PRKCH: variants seen among roughly 807,000 people sequenced by gnomAD.
PRKCH encodes the protein protein kinase C eta.
PRKCH carries 28 observed loss-of-function variants against 82.5 expected under a neutral mutation model. The observed-to-expected ratio is 0.34, with a 90% CI of 0.25 to 0.47. The LOEUF is 0.47. Among genes scored for constraint, PRKCH ranks in the 20% least tolerant of loss-of-function variants. The pLI is 1.00. For synonymous variants in PRKCH, 322 were observed against 327.4 expected, an observed-to-expected ratio of 0.98 and a Z score of 0.18; for missense variants, 705 against 881.8, an observed-to-expected ratio of 0.80 and a Z score of 2.54.
At chr14:61,286,289 C>T (rs113200457) in intron 1 of PRKCH, among the ~76,000 whole-genome samples, 3 of 151,654 alleles carry the variant, frequency 2.0e-5, no homozygotes, top group African/African-American at 7.3e-5. Flanking sequence ...ATTCTTTGTG[C>T]CTGGACTTCA....
rs180909291 is a variant in PRKCH, at chr14:61,511,883, A to G, written c.1434-17192A>G. 4.1e-3 allele frequency among the ~76,000 whole-genome samples: 625 copies of G among 152,278 alleles called. 9 individuals are homozygous for G. The highest frequency in any genetic ancestry group is 0.012 in the African/African-American group (504 of 41,518). Reference sequence around the variant, plus strand: ...TCCCGACTCTGTGGGTGGATAGAACATTGTGTGGAAAGGCTGTAAAACTCA... The same window carrying G: ...TCCCGACTCTGTGGGTGGATAGAACGTTGTGTGGAAAGGCTGTAAAACTCA... On this transcript the variant is annotated intron_variant, in intron 10 of 13. Transcript: ENST00000332981.
intron 13 of PRKCH, 78 bp downstream of exon 13, chr14:61,547,964 G>A (rs2043280727): frequency 6.4e-7 from 1 of 1,553,932 alleles, no homozygotes; most frequent in Non-Finnish European, 8.7e-7. Context: ...TAGAAGAGCT[G>A]GATGGCCCCT....
intron 2 of PRKCH, among the ~76,000 whole-genome samples, chr14:61,435,106 T>A (rs1198034163): frequency 6.6e-6 from 1 of 151,916 alleles, no homozygotes; most frequent in Non-Finnish European, 1.5e-5. Context: ...CCGCTGAGGG[T>A]GTTCAACCAG....
intron 10 of PRKCH, among the ~76,000 whole-genome samples, chr14:61,527,497 T>G (rs1295422718): frequency 6.6e-6 from 1 of 152,154 alleles, no homozygotes. Context: ...CCTGACTAAC[T>G]CCTTATTTTC....
chr14:61,321,244 G>A (rs2045615598), upstream of PRKCH, among the ~76,000 whole-genome samples: 1 of 152,224 alleles, frequency 6.6e-6, no homozygotes, highest in Admixed American at 6.5e-5. The surrounding 1 kb of genome is among the most constrained non-coding windows in gnomAD (Gnocchi z 4.1). Context: ...TGGGAGAGAG[G>A]GGGCGGGCGA....
In PRKCH at chr14:61,414,980, T is replaced by C. The variant is rs565970995; in HGVS notation, c.427+23692T>C. On this transcript the variant is annotated intron_variant, in intron 2 of 13. Coordinates refer to ENST00000332981, the MANE Select transcript of PRKCH (RefSeq NM_006255.5). The stretch of plus-strand genomic sequence containing the variant: ...TCTTAGAAGTGGGCGCCCATTCTCA[T>C]AGGGCCTTTCATCTGCAGGGACACT... Among the ~76,000 whole-genome samples the C allele has an allele frequency of 4.6e-5, 7 of 152,282 alleles. No individual in the cohort carries two copies. In the South Asian group the frequency reaches 1.5e-3, roughly 32 times the overall value.
At chr14:61,516,851 A>G (rs1291472194) in intron 10 of PRKCH, among the ~76,000 whole-genome samples, 9 of 152,170 alleles carry the variant, frequency 5.9e-5, no homozygotes, top group African/African-American at 2.2e-4. Flanking sequence ...CAGTTGGGAG[A>G]AACAAAGCCT....
intron 2 of PRKCH, among the ~76,000 whole-genome samples, chr14:61,441,818 T>A (rs1211521826): frequency 1.3e-5 from 2 of 151,850 alleles, no homozygotes; most frequent in African/African-American, 4.8e-5. Context: ...ATTATCCCTT[T>A]AAAAAAATTT....
intron 10 of PRKCH, among the ~76,000 whole-genome samples, chr14:61,504,442 G>T (rs542953451): frequency 6.6e-6 from 1 of 151,986 alleles, no homozygotes; most frequent in Non-Finnish European, 1.5e-5. Context: ...TACTCACCTC[G>T]GCCTCCCAAA....
At chr14:61,383,753 C>CAA (rs992298896) in intron 1 of PRKCH, among the ~76,000 whole-genome samples, 1 of 151,852 alleles carries the variant, frequency 6.6e-6, no homozygotes, top group African/African-American at 2.4e-5. Flanking sequence ...ACGGCATGAG[C>CAA]AAATGTGTGG....
intron 1 of PRKCH, among the ~76,000 whole-genome samples, chr14:61,350,245 G>T (rs1170568997): frequency 6.6e-6 from 1 of 152,142 alleles, no homozygotes; most frequent in Admixed American, 6.5e-5. Context: ...GTACATTTAA[G>T]ATTTGTTCTA....
chr14:61,507,746 A>C (rs749579324), intron 10 of PRKCH, among the ~76,000 whole-genome samples: 1 of 152,112 alleles, frequency 6.6e-6, no homozygotes, highest in Non-Finnish European at 1.5e-5. Context: ...CAGGGAGTAG[A>C]ATGGTGGTTG....
At chr14:61,474,552 G>A (rs1871421385) in intron 9 of PRKCH, among the ~76,000 whole-genome samples, 2 of 152,108 alleles carry the variant, frequency 1.3e-5, no homozygotes, top group South Asian at 4.1e-4. Context: ...ACTGGGGCCT[G>A]GCAGGGGATG....
intron 10 of PRKCH, among the ~76,000 whole-genome samples, chr14:61,492,638 G>A (rs1566911745): frequency 6.6e-6 from 1 of 152,232 alleles, no homozygotes; most frequent in South Asian, 2.1e-4. Context: ...GAAAAATCCA[G>A]TTGAGATCAG....
In PRKCH at chr14:61,453,382, G is replaced by A. The variant is rs764672406; in HGVS notation, c.960+29G>A. 15 of 1,605,602 alleles carry A rather than the reference G, an allele frequency of 9.3e-6. No homozygotes were observed. In the East Asian group the frequency reaches 1.3e-4, roughly 14 times the overall value. On this transcript the variant is annotated intron_variant, in intron 7 of 13. Coordinates refer to ENST00000332981, the MANE Select transcript of PRKCH (RefSeq NM_006255.5). The stretch of plus-strand genomic sequence containing the variant: ...AGACTTTGCTTTTTTTCCATGTCTC[G>A]TAATTTAGAAGTTGCTCAGATGTGA...
intron 10 of PRKCH, among the ~76,000 whole-genome samples, chr14:61,506,613 T>C (rs1044529294): frequency 6.6e-6 from 1 of 152,182 alleles, no homozygotes; most frequent in Non-Finnish European, 1.5e-5. Flanking sequence ...GAAGCAGCCC[T>C]GAACTAACTG....
chr14:61,227,406 A>T (rs2044705264), intron 1 of PRKCH, among the ~76,000 whole-genome samples: 5 of 152,182 alleles, frequency 3.3e-5, no homozygotes, highest in Admixed American at 3.3e-4. Flanking sequence ...ATCCTGGCTA[A>T]CACGGTGAAA....
chr14:61,322,629 G>A, intron 1 of PRKCH, 165 bp downstream of exon 1: 2 of 961,138 alleles, frequency 2.1e-6, no homozygotes, highest in South Asian at 1.8e-5. Context: ...ACGCGACCGC[G>A]GTGGGTGTGT....
At chr14:61,250,321 C>T (rs2044933838) in intron 1 of PRKCH, among the ~76,000 whole-genome samples, 1 of 151,752 alleles carries the variant, frequency 6.6e-6, no homozygotes, top group South Asian at 2.1e-4. Context: ...TTCATAATTG[C>T]CAGAACTTGG....
Sources: allele counts gnomAD v4.1 joint callset (sites outside exome capture counted in the v4.1 genomes callset), GRCh38; gene constraint gnomAD v4.1.1; non-coding constraint Gnocchi (gnomAD v3.1); transcripts MANE v1.5; gene names NCBI Gene and HGNC (gene_info 2026-07-23, HGNC 2026-07-21).